ZNF780B: variants seen among roughly 807,000 people sequenced by gnomAD.
ZNF780B encodes the protein zinc finger protein 780B.
Under a neutral mutation model 74.1 loss-of-function variants are expected in ZNF780B, and 52 were observed. That is an observed-to-expected ratio of 0.70 (90% confidence interval 0.56 to 0.88). The LOEUF (loss-of-function observed/expected upper bound fraction) is 0.88. Ranked by LOEUF, ZNF780B falls within the 40% of genes least tolerant of loss-of-function variation. The probability of loss-of-function intolerance (pLI) is 0.00; values close to 1 mark genes in which losing one functional copy is unlikely to be tolerated. For synonymous variants in ZNF780B, 315 were observed against 324.3 expected (o/e 0.97, Z 0.31); for missense variants, 953 against 1,007.6 (o/e 0.95, Z 0.73).
rs547988715 is a variant in ZNF780B at position 40,036,365 on chromosome 19, T to C, written c.494A>G (p.Tyr165Cys). The change falls in exon 5 of 5, where the codon TAT (tyrosine) becomes TGT (cysteine). Residue 165 changes from tyrosine (Y) to cysteine (C), a missense_variant. Physicochemically the swap from Tyr to Cys is radical, Grantham distance 194. Transcript: ENST00000434248. ...GTATTTCCCACATTCCTTACATTCA[T>C]ATGGTTTATGTGTATTATGAATAGG... is the stretch of plus-strand genomic sequence containing the variant. The part of the protein sequence containing the change: ...ASPIHNTHKP[Y>C]ECKECGKYFS... 4 of 1,613,406 alleles carry C rather than the reference T, an allele frequency of 2.5e-6. No homozygotes were observed. The South Asian group carries it at 3.3e-5, about 13-fold the overall frequency.
intron 4 of ZNF780B, among the ~76,000 whole-genome samples, chr19:40,042,858 T>C (rs1429193576): frequency 2.0e-5 from 3 of 152,244 alleles, no homozygotes; most frequent in Non-Finnish European, 2.9e-5. Flanking sequence ...TTTCCTCCTG[T>C]AGCTCGGAGT....
intron 4 of ZNF780B, among the ~76,000 whole-genome samples, chr19:40,038,555 T>G (rs1972470349): frequency 6.8e-6 from 1 of 147,258 alleles, no homozygotes; most frequent in African/African-American, 2.5e-5. Context: ...TTCCTATTTC[T>G]CCACATCCTC....
At position 40,050,302 on chromosome 19, in the gene ZNF780B, G is replaced by C. The variant is rs111279499; in HGVS notation, c.9+22C>G. Reference sequence around the variant, plus strand: ...TAACCTGAAAGTCACCATATTTCAAGAAGACAGAAACACCAACTTACATGG... The same window carrying C: ...TAACCTGAAAGTCACCATATTTCAACAAGACAGAAACACCAACTTACATGG... On this transcript the variant is annotated intron_variant, in intron 2 of 4. Coordinates refer to ENST00000434248, the MANE Select transcript of ZNF780B (RefSeq NM_001005851.3). 8.9e-4 allele frequency: 1,414 copies of C among 1,586,868 alleles called. 7 individuals carry two copies. The African/African-American group carries it at 9.7e-3, about 11-fold the overall frequency.
chr19:40,034,590 C>T lies in ZNF780B; in HGVS notation c.2269G>A (p.Glu757Lys). The T allele has an allele frequency of 6.2e-7, 1 of 1,613,996 alleles. No homozygotes were observed. The highest frequency in any genetic ancestry group is 8.5e-7 in the Non-Finnish European group (1 of 1,179,968). ...HTGEKPFKCK[E>K]CGKAFNRGSN... is the part of the protein sequence containing the mutation. ...CCACGATTAAAGGCCTTCCCACACTCCTTACATTTAAATGGCTTCTCACCA... is the reference window on the plus strand; with the variant it reads ...CCACGATTAAAGGCCTTCCCACACTTCTTACATTTAAATGGCTTCTCACCA... Residue 757 changes from glutamate to lysine, a missense_variant, in exon 5 of 5, where the codon GAG becomes AAG. Coordinates refer to ENST00000434248, the MANE Select transcript of ZNF780B (RefSeq NM_001005851.3).
chr19:40,053,678 G>A (rs1319372067), intron 1 of ZNF780B, among the ~76,000 whole-genome samples: 1 of 152,144 alleles, frequency 6.6e-6, no homozygotes, highest in Non-Finnish European at 1.5e-5. Context: ...TCAATGAATG[G>A]ATAAAGAAAA....
rs745803430 is a variant in ZNF780B, at chr19:40,035,885, C to T, written c.974G>A (p.Arg325Gln). 6.6e-5 allele frequency: 107 copies of T among 1,612,900 alleles called. 1 individual carries two copies. The highest frequency in any genetic ancestry group is 1.7e-4 in the Middle Eastern group (1 of 6,046). The stretch of plus-strand genomic sequence containing the variant: ...AAAGGGTTTCTCGCCAGTATGAATT[C>T]GGCAATGTTCAATGAGTTGGTAATG... ...RYHYQLIEHC[R>Q]IHTGEKPFEC... Residue 325 changes from arginine (R) to glutamine (Q), a missense_variant, in exon 5 of 5, where the codon CGA (arginine) becomes CAA (glutamine). Coordinates refer to ENST00000434248, the MANE Select transcript of ZNF780B (RefSeq NM_001005851.3).
chr19:40,049,877 C>T (rs550340192), intron 2 of ZNF780B, among the ~76,000 whole-genome samples: 1 of 152,218 alleles, frequency 6.6e-6, no homozygotes, highest in African/African-American at 2.4e-5. Context: ...CCAAACTTCA[C>T]TGTAATGGGA....
chr19:40,033,019 G>C lies in ZNF780B; in HGVS notation c.*1338C>G, dbSNP rs900973002. 1 of 152,244 alleles carries C rather than the reference G, an allele frequency of 6.6e-6. No homozygotes were observed. Among genetic ancestry groups the C allele is most frequent in the African/African-American group, 2.4e-5 (1 of 41,362 alleles). 9.4% of individuals were successfully genotyped at this position (152,244 alleles called of 1,614,324 possible). A position where few individuals can be genotyped will look rare whatever the true frequency, so the allele number is the denominator to read the frequency against. On this transcript the variant is annotated 3_prime_UTR_variant, in exon 5 of 5. Transcript: ENST00000434248. ...TGTTAACAATTTTGAATCTAGGTGG[G>C]GGGGATATGTGTATATATTTTACTA...
chr19:40,046,336 T>C (rs987014837), intron 4 of ZNF780B, among the ~76,000 whole-genome samples: 6 of 152,334 alleles, frequency 3.9e-5, no homozygotes, highest in African/African-American at 1.4e-4. Context: ...TCATTACACC[T>C]TCTATGCATG....
In ZNF780B at chr19:40,034,974, T is replaced by A; in HGVS notation, c.1885A>T (p.Asn629Tyr). Residue 629 changes from asparagine to tyrosine, a missense_variant, in exon 5 of 5, where the codon AAT becomes TAT. Asn to Tyr is a moderately radical substitution (Grantham distance 143, BLOSUM62 -2). Transcript: ENST00000434248. ...GKAFSLHTQLNHHKNIHTGEK... is the reference protein window; with the variant it reads ...GKAFSLHTQLYHHKNIHTGEK... Reference sequence around the variant, plus strand: ...CCTGTGTGAATGTTCTTATGGTGATTAAGCTGGGTGTGAAGACTGAAGGCC... The same window carrying A: ...CCTGTGTGAATGTTCTTATGGTGATAAAGCTGGGTGTGAAGACTGAAGGCC... The A allele has an allele frequency of 6.2e-7, 1 of 1,613,758 alleles. No homozygotes were observed. Among genetic ancestry groups the A allele is most frequent in the Non-Finnish European group, 8.5e-7 (1 of 1,179,934 alleles).
chr19:40,042,895 C>G (rs1972719188), intron 4 of ZNF780B, among the ~76,000 whole-genome samples: 1 of 152,180 alleles, frequency 6.6e-6, no homozygotes, highest in African/African-American at 2.4e-5. Context: ...GACTTCTTCT[C>G]TCAACTTGTC....
intron 4 of ZNF780B, among the ~76,000 whole-genome samples, chr19:40,040,929 T>C (rs1972603963): frequency 6.6e-6 from 1 of 152,236 alleles, no homozygotes; most frequent in African/African-American, 2.4e-5. Flanking sequence ...GCTCTGATTT[T>C]AGTTATTTCT....
rs538327586 is a variant in ZNF780B, at chr19:40,050,509, G to A, written c.-45-132C>T. ...ACACGCACACTTCCACCCTTCTCCC[G>A]TCACTCCCTTTTTCCCTACACACAC... On this transcript the variant is annotated intron_variant, in intron 1 of 4. Coordinates refer to ENST00000434248, the MANE Select transcript of ZNF780B (RefSeq NM_001005851.3). 6.1e-5 allele frequency: 56 copies of A among 916,548 alleles called. No homozygotes were observed. In the South Asian group the frequency reaches 6.4e-4, roughly 11 times the overall value. The allele number at this position is 916,548 out of a possible 1,614,324, so 56.8% of individuals were successfully genotyped here. A position where few individuals can be genotyped will look rare whatever the true frequency, so the allele number is the denominator to read the frequency against.
intron 4 of ZNF780B, among the ~76,000 whole-genome samples, chr19:40,041,211 T>C (rs201812418): frequency 2.0e-5 from 3 of 152,076 alleles, no homozygotes; most frequent in East Asian, 3.9e-4. Flanking sequence ...TGTAGTTGAG[T>C]GGTTTTGAGT....
chr19:40,047,586 T>C (rs1972992010), intron 3 of ZNF780B, 116 bp from the exon 4 acceptor site: 1 of 589,268 alleles, frequency 1.7e-6, no homozygotes, highest in Non-Finnish European at 2.8e-6. Flanking sequence ...GAGAAGAGAC[T>C]CCAGATAAGA....
chr19:40,038,869 C>T (rs1268352190), intron 4 of ZNF780B, among the ~76,000 whole-genome samples: 1 of 149,982 alleles, frequency 6.7e-6, no homozygotes, highest in Non-Finnish European at 1.5e-5. Flanking sequence ...GTTGCCTGTT[C>T]ACTCTGATGG....
chr19:40,033,611 A>G lies in ZNF780B; in HGVS notation c.*746T>C, dbSNP rs186363552. 1.3e-5 allele frequency: 2 copies of G among 153,500 alleles called. No homozygotes were observed. Among genetic ancestry groups the G allele is most frequent in the East Asian group, 3.9e-4 (2 of 5,190 alleles). The allele number at this position is 153,500 out of a possible 1,614,324, so 9.5% of individuals were successfully genotyped here. On this transcript the variant is annotated 3_prime_UTR_variant, in exon 5 of 5. Transcript: ENST00000434248. Reference sequence around the variant, plus strand: ...TTTTATGTTCACAGGATTTCTCATCAATATGAATTCTCTGGTGTTGAGTAA... The same window carrying G: ...TTTTATGTTCACAGGATTTCTCATCGATATGAATTCTCTGGTGTTGAGTAA...
rs1473409611 is a variant in ZNF780B, at chr19:40,030,872, A to C, written c.*3485T>G. 6.6e-6 allele frequency: 1 copy of C among 152,232 alleles called. No individual in the cohort carries two copies. The highest frequency in any genetic ancestry group is 2.4e-5 in the African/African-American group (1 of 41,450). The allele number at this position is 152,232 out of a possible 1,614,324, so 9.4% of individuals were successfully genotyped here. ...AAAGTTCAAGAGAATGGATAGAAAAAAGATGAAACTGGAAATAAAAAATAG... is the reference window on the plus strand; with the variant it reads ...AAAGTTCAAGAGAATGGATAGAAAACAGATGAAACTGGAAATAAAAAATAG... On this transcript the variant is annotated 3_prime_UTR_variant, in exon 5 of 5. Coordinates refer to ENST00000434248, the MANE Select transcript of ZNF780B (RefSeq NM_001005851.3).
At position 40,035,492 on chromosome 19, in the gene ZNF780B, T is replaced by A; in HGVS notation, c.1367A>T (p.Tyr456Phe). 1 of 1,614,122 alleles carries A rather than the reference T, an allele frequency of 6.2e-7. No homozygotes were observed. The highest frequency in any genetic ancestry group is 8.5e-7 in the Non-Finnish European group (1 of 1,180,024). The change falls in exon 5 of 5, where the codon TAT becomes TTT. Residue 456 changes from tyrosine to phenylalanine, a missense_variant. Tyr to Phe is a conservative substitution (Grantham distance 22). Coordinates refer to ENST00000434248, the MANE Select transcript of ZNF780B (RefSeq NM_001005851.3). ...VCRECEMAFRYHYQLIQHCQI... is the reference protein window; with the variant it reads ...VCRECEMAFRFHYQLIQHCQI... ...GCAATGTTGAATAAGTTGGTAATGATATCGAAAGGCCATCTCACATTCCCT... is the reference window on the plus strand; with the variant it reads ...GCAATGTTGAATAAGTTGGTAATGAAATCGAAAGGCCATCTCACATTCCCT...
Sources: allele counts gnomAD v4.1 joint callset (sites outside exome capture counted in the v4.1 genomes callset), GRCh38; gene constraint gnomAD v4.1.1; transcripts MANE v1.5; gene names NCBI Gene and HGNC (gene_info 2026-07-23, HGNC 2026-07-21).